The following LRP1B variants were observed in gnomAD, a reference collection of about 807,000 sequenced individuals.
The protein encoded by LRP1B is low-density lipoprotein receptor-related protein 1B.
A neutral mutation model predicts 556.6 loss-of-function variants in LRP1B; 217 were observed. That is an observed-to-expected ratio of 0.39 (90% CI 0.35 to 0.44). LRP1B has a LOEUF of 0.44. LRP1B is among the 20% of genes least tolerant of loss of function. The probability of loss-of-function intolerance (pLI) is 1.00; values close to 1 mark genes in which losing one functional copy is unlikely to be tolerated. For synonymous variants in LRP1B, 2,047 were observed against 1,865.8 expected (o/e 1.10, Z -2.50); for missense variants, 5,053 against 5,620.8 (o/e 0.90, Z 3.23).
intron 43 of LRP1B, among the ~76,000 whole-genome samples, chr2:140,566,815 C>G (rs1203409456): frequency 6.6e-6 from 1 of 152,178 alleles, no homozygotes; most frequent in African/African-American, 2.4e-5. Context: ...AGAACCTCAA[C>G]AGTGCCTAAG....
chr2:141,277,825 G>C (rs895830748), intron 3 of LRP1B, among the ~76,000 whole-genome samples: 1 of 151,950 alleles, frequency 6.6e-6, no homozygotes, highest in African/African-American at 2.4e-5. Context: ...AATTTAAAAA[G>C]AGAGTAGTAT....
intron 3 of LRP1B, among the ~76,000 whole-genome samples, chr2:141,258,439 C>A (rs1162704752): frequency 6.6e-6 from 1 of 151,946 alleles, no homozygotes; most frequent in Non-Finnish European, 1.5e-5. Flanking sequence ...CCACTGCACT[C>A]CAACCTGGCA....
At chr2:141,810,125 GAAA>G in intron 2 of LRP1B, among the ~76,000 whole-genome samples, 151 bp downstream of exon 2, 1 of 104,228 alleles carries the variant, frequency 9.6e-6, no homozygotes, top group African/African-American at 4.1e-5. Context: ...AAGAAAGAAA[GAAA>G]GAAAGAAAGA....
At chr2:140,318,443 T>C (rs1684624569) in intron 82 of LRP1B, among the ~76,000 whole-genome samples, 1 of 152,104 alleles carries the variant, frequency 6.6e-6, no homozygotes, top group Non-Finnish European at 1.5e-5. Flanking sequence ...TAAGTGTGCA[T>C]GTAAATAAGC....
rs767281464 is a variant in LRP1B at position 140,358,834 on chromosome 2, T to C, written c.11244A>G (p.Glu3748=). ...GIDECGDNSD[E]DHCGGKLTYK... ...AAATGCATTTACCACCACAGTGATC[T>C]TCATCTGAATTGTCACCGCATTCAT... is the stretch of plus-strand genomic sequence containing the variant. The change falls in exon 73 of 91, where the codon GAA becomes GAG. Residue 3748 remains glutamate, a synonymous_variant. Coordinates refer to ENST00000389484, the MANE Select transcript of LRP1B (RefSeq NM_018557.3). The C allele has an allele frequency of 1.1e-5, 17 of 1,608,326 alleles. No homozygotes were observed. In the South Asian group the frequency reaches 1.5e-4, roughly 15 times the overall value.
chr2:141,672,144 T>A (rs1279918317), intron 2 of LRP1B, among the ~76,000 whole-genome samples: 1 of 152,092 alleles, frequency 6.6e-6, no homozygotes, highest in Non-Finnish European at 1.5e-5. Context: ...TACTAATAGA[T>A]TAACTCCCAA....
At chr2:140,626,120 T>A (rs1483705975) in intron 41 of LRP1B, among the ~76,000 whole-genome samples, 1 of 152,160 alleles carries the variant, frequency 6.6e-6, no homozygotes, top group African/African-American at 2.4e-5. Flanking sequence ...AAGAAGCCAA[T>A]CTGTAAAGGC....
intron 2 of LRP1B, among the ~76,000 whole-genome samples, chr2:141,491,870 C>A (rs934295624): frequency 6.6e-6 from 1 of 151,888 alleles, no homozygotes; most frequent in Non-Finnish European, 1.5e-5. Flanking sequence ...AAAGAGGATT[C>A]TTTGTCCATC....
intron 2 of LRP1B, among the ~76,000 whole-genome samples, chr2:141,660,707 GC>G (rs1690184175): frequency 6.6e-6 from 1 of 152,162 alleles, no homozygotes; most frequent in African/African-American, 2.4e-5. Flanking sequence ...GAAATGGGCT[GC>G]CGTGGTCTCC....
chr2:142,036,341 G>A (rs1462126770), intron 1 of LRP1B, among the ~76,000 whole-genome samples: 2 of 151,490 alleles, frequency 1.3e-5, no homozygotes, highest in Admixed American at 6.6e-5. Flanking sequence ...AATAAGAAGA[G>A]GTCTGGTTCA....
chr2:140,921,082 T>C (rs1318854498), intron 21 of LRP1B, among the ~76,000 whole-genome samples: 1 of 152,036 alleles, frequency 6.6e-6, no homozygotes, highest in Non-Finnish European at 1.5e-5. Flanking sequence ...TTAAATTTAC[T>C]TAATCGTACT....
intron 2 of LRP1B, among the ~76,000 whole-genome samples, chr2:141,557,150 G>A (rs1344524038): frequency 6.6e-6 from 1 of 151,778 alleles, no homozygotes; most frequent in Non-Finnish European, 1.5e-5. Flanking sequence ...GTACAGTAGA[G>A]AGGTTTTATT....
intron 84 of LRP1B, among the ~76,000 whole-genome samples, chr2:140,296,983 GT>G (rs563764383): frequency 6.6e-6 from 1 of 152,122 alleles, no homozygotes; most frequent in Non-Finnish European, 1.5e-5. Context: ...ACAAGTGAAG[GT>G]TTTTTCCAGA....
At chr2:141,092,204 T>G (rs1700186638) in intron 7 of LRP1B, among the ~76,000 whole-genome samples, 1 of 152,340 alleles carries the variant, frequency 6.6e-6, no homozygotes, top group Non-Finnish European at 1.5e-5. Flanking sequence ...GCTGATTTAC[T>G]GCTGGCAAAA....
At chr2:141,645,748 T>A (rs659617) in intron 2 of LRP1B, among the ~76,000 whole-genome samples, 91,924 of 151,504 alleles carry the variant, frequency 0.61, 28,208 homozygotes, top group African/African-American at 0.7. Flanking sequence ...CACCATGTGG[T>A]TTCAAGGACA....
chr2:140,237,848 G>A (rs1051550776), intron 89 of LRP1B, among the ~76,000 whole-genome samples: 8 of 150,432 alleles, frequency 5.3e-5, no homozygotes, highest in Admixed American at 2.7e-4. Context: ...TGAGTTTTTC[G>A]TTTGCTTTAT....
intron 3 of LRP1B, among the ~76,000 whole-genome samples, chr2:141,264,400 C>G (rs550374277): frequency 3.3e-5 from 5 of 152,172 alleles, no homozygotes; most frequent in Admixed American, 6.5e-5. Flanking sequence ...AGCTGTGGAC[C>G]AACCATGTGG....
intron 66 of LRP1B, among the ~76,000 whole-genome samples, chr2:140,418,311 T>A (rs2105260916): frequency 6.6e-6 from 1 of 152,258 alleles, no homozygotes; most frequent in Middle Eastern, 3.4e-3. Context: ...ATTTCAAGAG[T>A]TTGAACATTA....
chr2:141,008,090 A>G (rs1289349250), intron 14 of LRP1B, among the ~76,000 whole-genome samples: 1 of 151,362 alleles, frequency 6.6e-6, no homozygotes, highest in Non-Finnish European at 1.5e-5. Context: ...AGTTCTGAGA[A>G]CTAGAAAAAT....
Sources: gnomAD v4.1 joint callset for allele counts (sites outside exome capture counted in the v4.1 genomes callset) on GRCh38, gnomAD v4.1.1 for gene constraint, MANE v1.5 for transcripts, NCBI Gene and HGNC (gene_info 2026-07-23, HGNC 2026-07-21) for gene names.